The following SNTA1 variants were observed in gnomAD, a reference collection of about 807,000 sequenced individuals.
SNTA1 encodes the protein alpha-1-syntrophin.
A neutral mutation model predicts 47.1 loss-of-function variants in SNTA1; 31 were observed. That is an observed-to-expected ratio of 0.66 (90% CI 0.49 to 0.89). The LOEUF (loss-of-function observed/expected upper bound fraction) is 0.89, where lower values mean the gene tolerates loss of function less well. Among genes scored for constraint, SNTA1 ranks in the 40% least tolerant of loss-of-function variants. The pLI, the probability that SNTA1 is intolerant of heterozygous loss-of-function variation, is 0.00. For synonymous variants in SNTA1, 300 were observed against 313.6 expected, an observed-to-expected ratio of 0.96 and a Z score of 0.46; for missense variants, 575 against 693.0, an observed-to-expected ratio of 0.83 and a Z score of 1.91.
rs759510703 is a variant in SNTA1 at position 33,408,850 on chromosome 20, G to A, written c.1276C>T (p.His426Tyr). The change falls in exon 7 of 8, where the codon CAC (histidine) becomes TAC (tyrosine). Residue 426 changes from histidine (H) to tyrosine (Y), a missense_variant. By Grantham distance (83) the His-to-Tyr change is moderately conservative. Coordinates refer to ENST00000217381, the MANE Select transcript of SNTA1 (RefSeq NM_003098.3). ...CACAGTGTGAAGCCCTTGTCGATGTGCACAGACAGGCTGCAGGGACGCCCA... is the reference window on the plus strand; with the variant it reads ...CACAGTGTGAAGCCCTTGTCGATGTACACAGACAGGCTGCAGGGACGCCCA... The part of the protein sequence containing the change: ...WNGRPCSLSV[H>Y]IDKGFTLWAA... The A allele has an allele frequency of 1.9e-6, 3 of 1,614,050 alleles. No homozygotes were observed. The highest frequency in any genetic ancestry group is 2.7e-5 in the African/African-American group (2 of 74,906).
intron 1 of SNTA1, among the ~76,000 whole-genome samples, chr20:33,442,076 C>A (rs550280043): frequency 6.6e-6 from 1 of 152,156 alleles, no homozygotes; most frequent in African/African-American, 2.4e-5. Flanking sequence ...ACTATGTAAT[C>A]GTGGGAAAAT....
chr20:33,412,259 G>T, intron 5 of SNTA1, 37 bp downstream of exon 5: 1 of 1,597,718 alleles, frequency 6.3e-7, no homozygotes. Context: ...CTCCTGGCAA[G>T]TTCTGGGGGA....
chr20:33,417,963 G>A, intron 2 of SNTA1, 40 bp from the exon 3 acceptor site: 1 of 1,316,088 alleles, frequency 7.6e-7, no homozygotes, highest in Non-Finnish European at 1.1e-6. Context: ...CTGTGACATG[G>A]GCTCCCAGCA....
intron 2 of SNTA1, among the ~76,000 whole-genome samples, chr20:33,418,820 A>T (rs1476481821): frequency 7.2e-6 from 1 of 138,024 alleles, no homozygotes; most frequent in East Asian, 2.1e-4. Context: ...AAAAAAAAAA[A>T]AAGACTCCCA....
chr20:33,409,643 T>TA (rs1326993240), intron 6 of SNTA1, among the ~76,000 whole-genome samples: 2 of 149,448 alleles, frequency 1.3e-5, no homozygotes, highest in Admixed American at 6.7e-5. Context: ...GTATTATTAT[T>TA]TTTTTTTTTT....
chr20:33,441,489 G>C lies in SNTA1; in HGVS notation c.310+1822C>G, dbSNP rs116110856. On this transcript the variant is annotated intron_variant, in intron 1 of 7. Transcript: ENST00000217381. ...CCTCTCTTGACGCCCACACAGGCCC[G>C]ACCGTTTGCTTATCTGCACAGAGCT... is the stretch of plus-strand genomic sequence containing the variant. Among the ~76,000 whole-genome samples, 1,128 of 152,232 alleles carry C rather than the reference G, an allele frequency of 7.4e-3. 10 individuals are homozygous for C. The highest frequency in any genetic ancestry group is 0.026 in the African/African-American group (1,067 of 41,546).
At position 33,408,439 on chromosome 20, in the gene SNTA1, G is replaced by C. The variant is rs1989647954; in HGVS notation, c.*68C>G. The C allele has an allele frequency of 6.2e-6, 7 of 1,134,224 alleles. No homozygotes were observed. In the East Asian group the frequency reaches 1.7e-4, roughly 27 times the overall value. The allele number at this position is 1,134,224 out of a possible 1,614,324, so 70.3% of individuals were successfully genotyped here. A position where few individuals can be genotyped will look rare whatever the true frequency, so the allele number is the denominator to read the frequency against. ...CCCTCAGCCCAGGGGTGAGCAGGCA[G>C]TCGGTGGAGGCCCAGCTCAGGCCAT... On this transcript the variant is annotated 3_prime_UTR_variant, in exon 8 of 8. Transcript: ENST00000217381.
At chr20:33,429,000 C>T (rs1230861298) in intron 2 of SNTA1, among the ~76,000 whole-genome samples, 1 of 151,662 alleles carries the variant, frequency 6.6e-6, no homozygotes, top group Non-Finnish European at 1.5e-5. Context: ...AAGATCGTAC[C>T]ACTGCACTGC....
rs951409757 is a variant in SNTA1, at chr20:33,430,287, CTTTTTTTTTTTT to C, written c.496+8542_496+8553del. ...TTATGTTCATTTTTATTACTTTTTT[CTTTTTTTTTTTT>C]TTTTTTTGAGACGGAGTCTCACTCT... On this transcript the variant is annotated intron_variant, in intron 2 of 7. Transcript: ENST00000217381. Among the ~76,000 whole-genome samples the C allele has an allele frequency of 8.5e-3, 1,114 of 131,514 alleles. 10 individuals carry two copies. The highest frequency in any genetic ancestry group is 0.029 in the African/African-American group (1,052 of 35,920). The allele number at this position is 131,514 out of a possible 152,430, so 86.3% of individuals were successfully genotyped here. A position where few individuals can be genotyped will look rare whatever the true frequency, so the allele number is the denominator to read the frequency against.
chr20:33,412,625 T>C lies in SNTA1; in HGVS notation c.859A>G (p.Ser287Gly). 1 of 1,614,000 alleles carries C rather than the reference T, an allele frequency of 6.2e-7. No individual in the cohort carries two copies. The highest frequency in any genetic ancestry group is 1.1e-5 in the South Asian group (1 of 91,068). ...TTGATGTCCTGGCTCCCAGCTGTGC[T>C]GGTGGCTGCCAACAGTGCCTGCAGC... is the stretch of plus-strand genomic sequence containing the variant. ...DELQALLAAT[S>G]TAGSQDIKQI... Residue 287 changes from serine (S) to glycine (G), a missense_variant, in exon 4 of 8, where the codon AGC becomes GGC. Ser to Gly is a moderately conservative substitution (Grantham distance 56). Coordinates refer to ENST00000217381, the MANE Select transcript of SNTA1 (RefSeq NM_003098.3).
chr20:33,426,708 G>A (rs1990179482), intron 2 of SNTA1, among the ~76,000 whole-genome samples: 2 of 152,046 alleles, frequency 1.3e-5, no homozygotes, highest in South Asian at 2.1e-4. Flanking sequence ...GTTGCAGTGA[G>A]CCAAGATCGT....
chr20:33,433,269 TC>T lies in SNTA1; in HGVS notation c.496+5571del, dbSNP rs201251768. 2.8e-3 allele frequency among the ~76,000 whole-genome samples: 412 copies of T among 146,750 alleles called. 29 individuals are homozygous for T. The highest frequency in any genetic ancestry group is 6.0e-3 in the African/African-American group (241 of 40,346). On this transcript the variant is annotated intron_variant, in intron 2 of 7. Transcript: ENST00000217381. ...TGTTTTTTGTCGGGTTTTTCTTTTT[TC>T]TTTTTTTTTTGAGATGGAGTTTTGC...
At chr20:33,431,787 T>C (rs921354501) in intron 2 of SNTA1, among the ~76,000 whole-genome samples, 5 of 152,136 alleles carry the variant, frequency 3.3e-5, no homozygotes, top group African/African-American at 9.7e-5. Flanking sequence ...CTTAGCACAG[T>C]AGGTGCTCAT....
At position 33,438,907 on chromosome 20, in the gene SNTA1, A is replaced by C. The variant is rs142978180; in HGVS notation, c.430T>G (p.Ser144Ala). The C allele has an allele frequency of 3.4e-5, 55 of 1,614,108 alleles. No homozygotes were observed. In the African/African-American group the frequency reaches 7.1e-4, roughly 21 times the overall value. The change falls in exon 2 of 8, where the codon TCC (serine) becomes GCC (alanine). Residue 144 changes from serine (S) to alanine (A), a missense_variant. Physicochemically the swap from Ser to Ala is moderately conservative, Grantham distance 99 (BLOSUM62 1). Coordinates refer to ENST00000217381, the MANE Select transcript of SNTA1 (RefSeq NM_003098.3). ...ACCGCCTCATCATGGGTAGCAGAGGACAAGTCTTCCCCATTCACAGACAGG... is the reference window on the plus strand; with the variant it reads ...ACCGCCTCATCATGGGTAGCAGAGGCCAAGTCTTCCCCATTCACAGACAGG... Reference protein sequence around the residue: ...AILSVNGEDLSSATHDEAVQV... With the variant: ...AILSVNGEDLASATHDEAVQV...
rs1411979304 is a variant in SNTA1, at chr20:33,417,892, G to A, written c.528C>T (p.Phe176=). 6.2e-7 allele frequency: 1 copy of A among 1,613,954 alleles called. No individual in the cohort carries two copies. The highest frequency in any genetic ancestry group is 8.5e-7 in the Non-Finnish European group (1 of 1,179,844). Residue 176 remains phenylalanine, a synonymous_variant, in exon 3 of 8, where the codon TTC becomes TTT. Transcript: ENST00000217381. ...CCGAGGTCCCACCAGTAGAGTTCTT[G>A]AAATACGGTGAGACGTCCTTCATAT... ...VKYMKDVSPY[F]KNSTGGTSVG... is the part of the protein sequence containing the mutation.
intron 2 of SNTA1, among the ~76,000 whole-genome samples, chr20:33,427,562 T>TA (rs921473211): frequency 6.6e-6 from 1 of 152,144 alleles, no homozygotes; most frequent in Non-Finnish European, 1.5e-5. Flanking sequence ...CTTTGGGGGA[T>TA]AAAATCTCAC....
chr20:33,412,853 A>AC, intron 3 of SNTA1, 71 bp from the exon 4 acceptor site: 2 of 1,022,774 alleles, frequency 2.0e-6, no homozygotes. Context: ...GGCCCAAGAA[A>AC]CCCCACCCAC....
intron 2 of SNTA1, among the ~76,000 whole-genome samples, chr20:33,431,735 C>T (rs1175610200): frequency 6.6e-6 from 1 of 151,910 alleles, no homozygotes; most frequent in Non-Finnish European, 1.5e-5. Flanking sequence ...GGCAATGGAG[C>T]GAGACTCCAT....
At chr20:33,415,341 T>C (rs1989849022) in intron 3 of SNTA1, among the ~76,000 whole-genome samples, 1 of 152,218 alleles carries the variant, frequency 6.6e-6, no homozygotes, top group African/African-American at 2.4e-5. Context: ...GGACTAATAC[T>C]ACTTCACCTT....
Sources: gnomAD v4.1 joint callset for allele counts (sites outside exome capture counted in the v4.1 genomes callset) on GRCh38, gnomAD v4.1.1 for gene constraint, MANE v1.5 for transcripts, NCBI Gene and HGNC (gene_info 2026-07-23, HGNC 2026-07-21) for gene names.